DGKH: variants seen among roughly 807,000 people sequenced by gnomAD.
DGKH encodes diacylglycerol kinase eta, also known as DAG kinase eta.
Under a neutral mutation model 159.3 loss-of-function variants are expected in DGKH, and 90 were observed. That is an observed-to-expected ratio of 0.57 (90% CI 0.48 to 0.67). DGKH has a LOEUF of 0.67. Among genes scored for constraint, DGKH ranks in the 30% least tolerant of loss-of-function variants. The pLI is 0.00. For synonymous variants in DGKH, 536 were observed against 553.8 expected, an observed-to-expected ratio of 0.97 and a Z score of 0.45; for missense variants, 1,181 against 1,506.1, an observed-to-expected ratio of 0.78 and a Z score of 3.57.
At chr13:42,221,431 A>G (rs1957970551) in intron 29 of DGKH, 37 bp downstream of exon 29, 8 of 1,607,378 alleles carry the variant, frequency 5.0e-6, no homozygotes, top group Non-Finnish European at 6.8e-6. Context: ...TGAAAATTTT[A>G]TTGCAAAACA....
At chr13:42,051,788 C>A (rs1881335169) in intron 1 of DGKH, among the ~76,000 whole-genome samples, 1 of 151,648 alleles carries the variant, frequency 6.6e-6, no homozygotes, top group African/African-American at 2.4e-5. Context: ...GCCTCAGCCT[C>A]CCGAGTAGCT....
chr13:42,209,203 A>G (rs1957577823), intron 22 of DGKH, 128 bp from the exon 23 acceptor site: 2 of 1,390,578 alleles, frequency 1.4e-6, no homozygotes, highest in Non-Finnish European at 2.0e-6. Context: ...AGTTTTTACC[A>G]TGTCATTTAT....
intron 3 of DGKH, among the ~76,000 whole-genome samples, chr13:42,133,258 T>C (rs1955329697): frequency 6.6e-6 from 1 of 152,144 alleles, no homozygotes; most frequent in Non-Finnish European, 1.5e-5. Context: ...TTTAATCTTA[T>C]GGTGCCTTAT....
intron 1 of DGKH, among the ~76,000 whole-genome samples, chr13:42,106,936 C>G (rs1187179381): frequency 6.6e-6 from 1 of 152,074 alleles, no homozygotes; most frequent in Admixed American, 6.5e-5. Context: ...CACAGCTACT[C>G]GGAAGGTTGA....
intron 1 of DGKH, among the ~76,000 whole-genome samples, chr13:42,101,813 C>T (rs1954657808): frequency 2.0e-5 from 3 of 151,680 alleles, no homozygotes; most frequent in Admixed American, 1.3e-4. Context: ...GAAATAAGAA[C>T]ATTTTTAAAG....
chr13:42,070,625 T>A (rs1480243265), intron 1 of DGKH: 2 of 1,610,658 alleles, frequency 1.2e-6, no homozygotes, highest in African/African-American at 1.3e-5. Context: ...ATGAAAAGAT[T>A]AGTTGGTTTG....
At chr13:42,190,613 A>T in intron 16 of DGKH, 88 bp downstream of exon 16, 2 of 1,336,836 alleles carry the variant, frequency 1.5e-6, no homozygotes, top group South Asian at 1.5e-5. Context: ...TTTGAAAAAA[A>T]CTATTTGTAT....
chr13:42,104,279 C>T lies in DGKH; in HGVS notation c.193-23184C>T, dbSNP rs79844348. On this transcript the variant is annotated intron_variant, in intron 1 of 29. Transcript: ENST00000337343. ...TTGTTGCTCTGCCATTTCTCCCCCCCAGGGAATTGTCTTTGCTTGGGCTAA... is the reference window on the plus strand; with the variant it reads ...TTGTTGCTCTGCCATTTCTCCCCCCTAGGGAATTGTCTTTGCTTGGGCTAA... 3.5e-3 allele frequency among the ~76,000 whole-genome samples: 536 copies of T among 152,314 alleles called. 5 individuals are homozygous for T. The highest frequency in any genetic ancestry group is 0.012 in the African/African-American group (515 of 41,562).
At chr13:42,184,210 G>T (rs1956849204) in intron 13 of DGKH, among the ~76,000 whole-genome samples, 1 of 152,078 alleles carries the variant, frequency 6.6e-6, no homozygotes, top group Non-Finnish European at 1.5e-5. Flanking sequence ...TTTCAAATTG[G>T]AACTTTTTAT....
chr13:42,190,914 G>A lies in DGKH; in HGVS notation c.2035+389G>A, dbSNP rs1435351582. ...CTGCAGCTCTCCTAACGCTCCAAATGCAGAAAATTTGGCATTTAAGTGATT... is the reference window on the plus strand; with the variant it reads ...CTGCAGCTCTCCTAACGCTCCAAATACAGAAAATTTGGCATTTAAGTGATT... On this transcript the variant is annotated intron_variant, in intron 16 of 29. Coordinates refer to ENST00000337343, the MANE Select transcript of DGKH (RefSeq NM_178009.5). Among the ~76,000 whole-genome samples the A allele has an allele frequency of 2.0e-5, 3 of 152,140 alleles. No individual in the cohort carries two copies. In the East Asian group the frequency reaches 5.8e-4, roughly 29 times the overall value.
intron 6 of DGKH, 111 bp downstream of exon 6, chr13:42,159,483 A>G (rs1331508494): frequency 2.5e-6 from 2 of 794,442 alleles, no homozygotes; most frequent in Non-Finnish European, 2.1e-6. Flanking sequence ...GATTTAATAG[A>G]AGGTTTGGTT....
At chr13:42,163,714 T>C (rs1295074265) in intron 7 of DGKH, among the ~76,000 whole-genome samples, 7 of 152,050 alleles carry the variant, frequency 4.6e-5, no homozygotes, top group Admixed American at 4.6e-4. Context: ...GGGTTGTTTG[T>C]TTTTTTCTTG....
intron 1 of DGKH, among the ~76,000 whole-genome samples, chr13:42,068,388 G>A (rs952921043): frequency 2.0e-5 from 3 of 152,160 alleles, no homozygotes; most frequent in Non-Finnish European, 4.4e-5. Context: ...CTAAATAGAA[G>A]TGCGTTTTGT....
intron 21 of DGKH, among the ~76,000 whole-genome samples, chr13:42,207,442 C>T (rs1281115404): frequency 2.0e-5 from 3 of 151,520 alleles, no homozygotes; most frequent in Non-Finnish European, 4.4e-5. Context: ...CCACCCACCT[C>T]GGCCTCCCAA....
At chr13:42,255,290 A>C (rs1958649908) in intron 30 of DGKH, among the ~76,000 whole-genome samples, 1 of 151,998 alleles carries the variant, frequency 6.6e-6, no homozygotes, top group Non-Finnish European at 1.5e-5. Context: ...GATTTTTTTT[A>C]ATTGAATAAG....
At chr13:42,119,958 A>G (rs1955036734) in intron 1 of DGKH, among the ~76,000 whole-genome samples, 1 of 152,172 alleles carries the variant, frequency 6.6e-6, no homozygotes, top group Non-Finnish European at 1.5e-5. Context: ...GATAATACAA[A>G]CTTTGATACT....
chr13:42,095,688 A>G (rs1040735524), intron 1 of DGKH, among the ~76,000 whole-genome samples: 157 of 152,330 alleles, frequency 1.0e-3, no homozygotes, highest in African/African-American at 3.6e-3. Context: ...TACCATCTCT[A>G]TATATCTATG....
intron 1 of DGKH, among the ~76,000 whole-genome samples, chr13:42,075,387 G>A (rs1954075547): frequency 6.6e-6 from 1 of 152,210 alleles, no homozygotes; most frequent in Non-Finnish European, 1.5e-5. Flanking sequence ...TCATGAAAGT[G>A]TGTCTCTTGG....
intron 14 of DGKH, 32 bp downstream of exon 14, chr13:42,187,180 G>T: frequency 6.4e-7 from 1 of 1,555,628 alleles, no homozygotes; most frequent in Non-Finnish European, 8.9e-7. Context: ...CATGAGAGTT[G>T]TTTATGGACA....
Sources: allele counts gnomAD v4.1 joint callset (sites outside exome capture counted in the v4.1 genomes callset), GRCh38; gene constraint gnomAD v4.1.1; transcripts MANE v1.5; gene names NCBI Gene and HGNC (gene_info 2026-07-23, HGNC 2026-07-21).